Variants in TENM4 observed in about 807,000 individuals in gnomAD.
The protein encoded by TENM4 is teneurin-4.
In TENM4, 82 loss-of-function variants were observed where a neutral mutation model predicts 243.3. That is an observed-to-expected ratio of 0.34 (90% CI 0.28 to 0.40). TENM4 has a LOEUF of 0.40. TENM4 is among the 10% of genes least tolerant of loss of function. The pLI is 1.00. For synonymous variants in TENM4, 1,412 were observed against 1,456.3 expected, an observed-to-expected ratio of 0.97 and a Z score of 0.69; for missense variants, 3,138 against 3,673.3, an observed-to-expected ratio of 0.85 and a Z score of 3.77.
intron 15 of TENM4, 132 bp from the exon 16 acceptor site, chr11:78,787,215 T>C: frequency 9.3e-7 from 1 of 1,069,764 alleles, no homozygotes; most frequent in Non-Finnish European, 1.3e-6. Context: ...AAAGTCACAC[T>C]TGGCTACATA....
chr11:79,092,767 A>T (rs1222595007), intron 4 of TENM4: 1 of 152,244 alleles, frequency 6.6e-6, no homozygotes, highest in Non-Finnish European at 1.5e-5. Context: ...TGTTTAGAAT[A>T]CAAAGATAAA....
At chr11:79,052,609 TAAAG>T (rs1385703498) in intron 6 of TENM4, among the ~76,000 whole-genome samples, 1 of 151,936 alleles carries the variant, frequency 6.6e-6, no homozygotes, top group Non-Finnish European at 1.5e-5. Context: ...TAAAAAGAAA[TAAAG>T]AAAGGAGCAG....
intron 6 of TENM4, among the ~76,000 whole-genome samples, chr11:78,907,850 C>T (rs1349321335): frequency 6.6e-6 from 1 of 152,110 alleles, no homozygotes; most frequent in African/African-American, 2.4e-5. Context: ...CAATTTATAC[C>T]CTCTTCTTAC....
At chr11:78,838,064 C>T (rs1043300256) in intron 12 of TENM4, among the ~76,000 whole-genome samples, 4 of 152,078 alleles carry the variant, frequency 2.6e-5, no homozygotes, top group African/African-American at 9.7e-5. Flanking sequence ...TGGTATAGTT[C>T]CACCGCAGCC....
chr11:78,923,293 C>T (rs552333203), intron 6 of TENM4, among the ~76,000 whole-genome samples: 5 of 152,142 alleles, frequency 3.3e-5, no homozygotes, highest in African/African-American at 9.7e-5. Context: ...CCATAAAAGA[C>T]GTAGCCTGTC....
At chr11:78,975,914 G>A (rs988627382) in intron 6 of TENM4, among the ~76,000 whole-genome samples, 1 of 152,116 alleles carries the variant, frequency 6.6e-6, no homozygotes, top group East Asian at 1.9e-4. Flanking sequence ...CCCCTTGAAA[G>A]TGTGAAGACT....
At chr11:78,839,252 A>G (rs1858195192) in intron 12 of TENM4, among the ~76,000 whole-genome samples, 1 of 152,152 alleles carries the variant, frequency 6.6e-6, no homozygotes, top group Middle Eastern at 3.2e-3. Context: ...ATAAATTGAC[A>G]TATTTAGAGT....
At chr11:78,900,286 T>C (rs1187691860) in intron 7 of TENM4, among the ~76,000 whole-genome samples, 1 of 152,244 alleles carries the variant, frequency 6.6e-6, no homozygotes, top group Non-Finnish European at 1.5e-5. Flanking sequence ...TTGAAGGTCT[T>C]GGTCCATAGC....
intron 6 of TENM4, among the ~76,000 whole-genome samples, chr11:78,909,075 A>C (rs1186817604): frequency 2.0e-5 from 3 of 152,208 alleles, no homozygotes; most frequent in Non-Finnish European, 4.4e-5. Context: ...TATATATAAT[A>C]GTAATGGCAA....
intron 3 of TENM4, among the ~76,000 whole-genome samples, chr11:79,192,824 T>G (rs1863545158): frequency 6.6e-6 from 1 of 152,182 alleles, no homozygotes; most frequent in Non-Finnish European, 1.5e-5. Flanking sequence ...TAGAAAAAGT[T>G]TTCAAGAATA....
At chr11:78,897,023 G>A (rs1030538415) in intron 7 of TENM4, among the ~76,000 whole-genome samples, 3 of 152,174 alleles carry the variant, frequency 2.0e-5, no homozygotes, top group Non-Finnish European at 2.9e-5. Context: ...ATTAACTGAC[G>A]AGAGTGGCTG....
At position 79,034,572 on chromosome 11, in the gene TENM4, A is replaced by C. The variant is rs114480921; in HGVS notation, c.493+30166T>G. Among the ~76,000 whole-genome samples, 512 of 152,240 alleles carry C rather than the reference A, an allele frequency of 3.4e-3. 4 individuals carry two copies. Among genetic ancestry groups the C allele is most frequent in the African/African-American group, 0.011 (466 of 41,516 alleles). On this transcript the variant is annotated intron_variant, in intron 6 of 33. Transcript: ENST00000278550. The stretch of plus-strand genomic sequence containing the variant: ...AACCACCATGTAGAAAATATTGTGG[A>C]AGTTTAATTAAAAAAAATTTTTTTT...
chr11:78,852,997 T>G (rs1858577267), intron 12 of TENM4, among the ~76,000 whole-genome samples: 1 of 151,962 alleles, frequency 6.6e-6, no homozygotes, highest in African/African-American at 2.4e-5. Context: ...CAAGCAATCC[T>G]CCTGCGTCTG....
chr11:78,814,163 A>G (rs1857556239), intron 13 of TENM4, 131 bp downstream of exon 13: 2 of 782,942 alleles, frequency 2.6e-6, no homozygotes, highest in East Asian at 5.7e-5. Context: ...CTTCTGGAGA[A>G]TGGCCCTTGG....
At chr11:79,002,121 C>T (rs1371602619) in intron 6 of TENM4, among the ~76,000 whole-genome samples, 1 of 151,958 alleles carries the variant, frequency 6.6e-6, no homozygotes, top group African/African-American at 2.4e-5. Context: ...TACATGGGTA[C>T]CTGGTTGTGC....
rs189620914 is a variant in TENM4, at chr11:79,304,995, T to C, written c.-320-7452A>G. Among the ~76,000 whole-genome samples the C allele has an allele frequency of 2.6e-5, 4 of 152,322 alleles. No individual in the cohort carries two copies. In the East Asian group the frequency reaches 5.8e-4, roughly 22 times the overall value. On this transcript the variant is annotated intron_variant, in intron 1 of 33. Transcript: ENST00000278550. ...GAACCATGTGAGAAAGCCTTTTTAA[T>C]AGAAAAACAAAAACAAGGAAGTCAG...
intron 12 of TENM4, among the ~76,000 whole-genome samples, chr11:78,837,555 T>C (rs1858144967): frequency 2.0e-5 from 3 of 152,206 alleles, no homozygotes; most frequent in Admixed American, 2.0e-4. Flanking sequence ...CTGATGAACC[T>C]TCTCCTGACC....
At chr11:78,859,355 C>T (rs1858759545) in intron 10 of TENM4, among the ~76,000 whole-genome samples, 1 of 152,206 alleles carries the variant, frequency 6.6e-6, no homozygotes, top group Non-Finnish European at 1.5e-5. Flanking sequence ...GCTTAGGTCA[C>T]AATTAGGGCT....
intron 18 of TENM4, among the ~76,000 whole-genome samples, chr11:78,765,724 G>A (rs1412563751): frequency 1.3e-5 from 2 of 152,176 alleles, no homozygotes; most frequent in Non-Finnish European, 2.9e-5. Context: ...CTGAGCCTTA[G>A]TTTCCCTGTA....
Sources: gnomAD v4.1 joint callset for allele counts (sites outside exome capture counted in the v4.1 genomes callset) on GRCh38, gnomAD v4.1.1 for gene constraint, MANE v1.5 for transcripts, NCBI Gene and HGNC (gene_info 2026-07-23, HGNC 2026-07-21) for gene names.